The following RGS7 variants were observed in gnomAD, a reference collection of about 807,000 sequenced individuals.
The protein encoded by RGS7 is regulator of G-protein signaling 7.
A neutral mutation model predicts 81.1 loss-of-function variants in RGS7; 27 were observed. The ratio of observed to expected loss-of-function variants is 0.33; its 90% confidence interval spans 0.25 to 0.46. The LOEUF is 0.46. RGS7 is among the 20% of genes least tolerant of loss of function. The pLI, the probability that RGS7 is intolerant of heterozygous loss-of-function variation, is 1.00. For synonymous variants in RGS7, 208 were observed against 207.7 expected, an observed-to-expected ratio of 1.00 and a Z score of -0.01; for missense variants, 396 against 607.4, an observed-to-expected ratio of 0.65 and a Z score of 3.66.
At chr1:241,217,691 C>T (rs2074652740) in intron 2 of RGS7, among the ~76,000 whole-genome samples, 1 of 152,216 alleles carries the variant, frequency 6.6e-6, no homozygotes, top group African/African-American at 2.4e-5. Flanking sequence ...ATCTAAAGGG[C>T]TATCCAATCA....
Position 241,307,505 on chromosome 1 carries a change from G to C in RGS7, c.78+48194C>G, listed in dbSNP as rs867775541. Among the ~76,000 whole-genome samples, 3 of 152,168 alleles carry C rather than the reference G, an allele frequency of 2.0e-5. 1 individual carries two copies. In the South Asian group the frequency reaches 6.2e-4, roughly 32 times the overall value. ...ATTCACTGAGCGATCTCAACAAACT[G>C]TTAAAAAAGCTTTAGGTATTCATTC... On this transcript the variant is annotated intron_variant, in intron 2 of 18. Coordinates refer to ENST00000440928, the MANE Select transcript of RGS7 (RefSeq NM_001364886.1).
At chr1:241,095,473 C>G (rs559097813) in intron 3 of RGS7, among the ~76,000 whole-genome samples, 28 of 152,134 alleles carry the variant, frequency 1.8e-4, no homozygotes, top group African/African-American at 5.8e-4. Context: ...GAGATCTTGT[C>G]TCTACCAAAA....
chr1:241,074,740 T>C (rs928518684), intron 3 of RGS7, among the ~76,000 whole-genome samples: 1 of 152,156 alleles, frequency 6.6e-6, no homozygotes, highest in Non-Finnish European at 1.5e-5. Context: ...TCAAACCATA[T>C]GAACCGAGAG....
intron 2 of RGS7, among the ~76,000 whole-genome samples, chr1:241,223,463 A>C (rs968461515): frequency 1.3e-5 from 2 of 152,186 alleles, no homozygotes; most frequent in African/African-American, 2.4e-5. Flanking sequence ...CCCAGTTTAA[A>C]GAAGAAGATA....
chr1:240,789,784 G>A (rs989362922), intron 18 of RGS7, among the ~76,000 whole-genome samples: 22 of 152,224 alleles, frequency 1.4e-4, no homozygotes, highest in African/African-American at 2.2e-4. Context: ...ATTTCACCCC[G>A]GTCCTGTGGT....
chr1:241,104,076 T>C (rs2064949024), intron 2 of RGS7, among the ~76,000 whole-genome samples: 1 of 152,182 alleles, frequency 6.6e-6, no homozygotes, highest in Non-Finnish European at 1.5e-5. Flanking sequence ...GATTCGGTTA[T>C]CTCATCTGTA....
chr1:240,885,153 T>C (rs371708875), intron 6 of RGS7, among the ~76,000 whole-genome samples: 39 of 152,250 alleles, frequency 2.6e-4, no homozygotes, highest in African/African-American at 8.9e-4. Context: ...GATAAAAAGG[T>C]TCAATGTCAC....
chr1:241,268,284 C>A (rs1253535899), intron 2 of RGS7, among the ~76,000 whole-genome samples: 1 of 152,202 alleles, frequency 6.6e-6, no homozygotes, highest in Non-Finnish European at 1.5e-5. Context: ...CTGCATTCAG[C>A]CCTGTCTGTC....
intron 18 of RGS7, among the ~76,000 whole-genome samples, chr1:240,794,305 C>T (rs533554507): frequency 6.6e-6 from 1 of 152,196 alleles, no homozygotes; most frequent in East Asian, 1.9e-4. Flanking sequence ...GTAAGGACAG[C>T]CAAGCTGTCT....
chr1:241,055,001 C>A (rs756621933), intron 3 of RGS7, among the ~76,000 whole-genome samples: 9 of 152,164 alleles, frequency 5.9e-5, no homozygotes, highest in Middle Eastern at 3.4e-3. Context: ...ATTAATCATG[C>A]AGTTTGGTAA....
At chr1:241,346,747 A>G (rs917652964) in intron 2 of RGS7, among the ~76,000 whole-genome samples, 5 of 152,190 alleles carry the variant, frequency 3.3e-5, no homozygotes, top group African/African-American at 1.2e-4. Context: ...AGATTATTTT[A>G]AAGAAAACAA....
chr1:240,923,985 G>T (rs1674004863), intron 6 of RGS7, among the ~76,000 whole-genome samples: 1 of 152,028 alleles, frequency 6.6e-6, no homozygotes, highest in Admixed American at 6.6e-5. Flanking sequence ...GGTTTTATGT[G>T]TTTATTTCAA....
intron 2 of RGS7, among the ~76,000 whole-genome samples, chr1:241,105,079 C>T (rs913191439): frequency 5.3e-5 from 8 of 152,086 alleles, no homozygotes; most frequent in Admixed American, 3.3e-4. Flanking sequence ...AGTAGCTCAG[C>T]GTAGGGCAGG....
intron 2 of RGS7, among the ~76,000 whole-genome samples, chr1:241,145,021 C>CTT (rs570368254): frequency 7.2e-6 from 1 of 139,748 alleles, no homozygotes; most frequent in Non-Finnish European, 1.6e-5. Context: ...GTCGATGAAA[C>CTT]TTTTTTTTTT....
chr1:240,887,720 A>G (rs1295889475), intron 6 of RGS7, among the ~76,000 whole-genome samples: 1 of 152,188 alleles, frequency 6.6e-6, no homozygotes, highest in Non-Finnish European at 1.5e-5. Flanking sequence ...ATTTTTTTAA[A>G]TTATCTCAAA....
intron 2 of RGS7, among the ~76,000 whole-genome samples, chr1:241,119,484 T>G (rs1229196264): frequency 1.3e-5 from 2 of 152,224 alleles, no homozygotes; most frequent in Non-Finnish European, 2.9e-5. Flanking sequence ...ATCTGAAACT[T>G]TTAACAATGA....
intron 4 of RGS7, among the ~76,000 whole-genome samples, chr1:240,975,003 G>A (rs1683844435): frequency 1.3e-5 from 2 of 152,106 alleles, no homozygotes; most frequent in South Asian, 4.1e-4. Flanking sequence ...CAAAGCTCAT[G>A]ACCCTCTTCA....
intron 9 of RGS7, among the ~76,000 whole-genome samples, chr1:240,837,694 T>C (rs1488105304): frequency 6.6e-6 from 1 of 152,136 alleles, no homozygotes; most frequent in Non-Finnish European, 1.5e-5. Flanking sequence ...TTCCCCAATG[T>C]AAAGGTAAGG....
chr1:241,282,210 C>A (rs986041604), intron 2 of RGS7, among the ~76,000 whole-genome samples: 4 of 152,202 alleles, frequency 2.6e-5, no homozygotes, highest in Non-Finnish European at 5.9e-5. Flanking sequence ...CCCATGCATA[C>A]ACCATGTTTA....
Sources: gnomAD v4.1 joint callset for allele counts (sites outside exome capture counted in the v4.1 genomes callset) on GRCh38, gnomAD v4.1.1 for gene constraint, MANE v1.5 for transcripts, NCBI Gene and HGNC (gene_info 2026-07-23, HGNC 2026-07-21) for gene names.